KIAA0825: variants seen among roughly 807,000 people sequenced by gnomAD.
KIAA0825 encodes the protein KIAA0825.
Under a neutral mutation model 147.6 loss-of-function variants are expected in KIAA0825, and 119 were observed. The observed-to-expected ratio is 0.81, with a 90% CI of 0.69 to 0.94. The LOEUF is 0.94. Ranked by LOEUF, KIAA0825 falls within the 40% of genes least tolerant of loss-of-function variation. KIAA0825 has a pLI of 0.00. For synonymous variants in KIAA0825, 470 were observed against 518.1 expected (o/e 0.91, Z 1.26); for missense variants, 1,381 against 1,472.7 (o/e 0.94, Z 1.02).
chr5:94,179,933 C>G (rs1336318007), intron 20 of KIAA0825, among the ~76,000 whole-genome samples: 1 of 151,710 alleles, frequency 6.6e-6, no homozygotes, highest in Non-Finnish European at 1.5e-5. Context: ...TTAATAAATA[C>G]AAGGAATAAA....
chr5:94,332,160 C>CAAAA (rs34035583), intron 20 of KIAA0825, among the ~76,000 whole-genome samples: 8 of 93,902 alleles, frequency 8.5e-5, no homozygotes, highest in Non-Finnish European at 1.1e-4. Context: ...GACTCCATCT[C>CAAAA]AAAAAAAAAA....
intron 20 of KIAA0825, among the ~76,000 whole-genome samples, chr5:94,199,932 C>G (rs10476527): frequency 0.025 from 3,802 of 152,256 alleles, 71 homozygotes; most frequent in Non-Finnish European, 0.037. Flanking sequence ...TGTGGCCAGA[C>G]AGGGACCCTG....
chr5:94,245,741 G>A (rs562446636), intron 20 of KIAA0825, among the ~76,000 whole-genome samples: 20 of 152,216 alleles, frequency 1.3e-4, no homozygotes, highest in Non-Finnish European at 1.9e-4. Context: ...TATGACTAAA[G>A]TGACATATGA....
intron 20 of KIAA0825, among the ~76,000 whole-genome samples, chr5:94,234,596 C>A (rs560442256): frequency 2.6e-5 from 4 of 152,180 alleles, no homozygotes; most frequent in Non-Finnish European, 4.4e-5. Flanking sequence ...TCTGGTGAAG[C>A]CTCATGGAGC....
intron 20 of KIAA0825, among the ~76,000 whole-genome samples, chr5:94,341,347 G>A (rs1447167624): frequency 6.6e-6 from 1 of 152,208 alleles, no homozygotes; most frequent in African/African-American, 2.4e-5. Context: ...ACTTTCTGCT[G>A]TCATGTGGGA....
At chr5:94,534,468 C>A (rs1335654872) in intron 3 of KIAA0825, among the ~76,000 whole-genome samples, 1 of 152,102 alleles carries the variant, frequency 6.6e-6, no homozygotes, top group South Asian at 2.1e-4. Context: ...GCACATAGAG[C>A]TACTTCCTTA....
At chr5:94,310,101 T>A (rs920885542) in intron 20 of KIAA0825, among the ~76,000 whole-genome samples, 5 of 151,690 alleles carry the variant, frequency 3.3e-5, no homozygotes, top group African/African-American at 4.8e-5. Context: ...GAGAAAAAAA[T>A]TGGCCACATA....
chr5:94,590,786 T>C (rs1250780813), intron 1 of KIAA0825, among the ~76,000 whole-genome samples: 2 of 152,212 alleles, frequency 1.3e-5, no homozygotes, highest in Admixed American at 1.3e-4. Context: ...AAGGCAAATG[T>C]GTGTGATGCT....
At chr5:94,344,279 T>C (rs902174729) in intron 20 of KIAA0825, among the ~76,000 whole-genome samples, 4 of 152,128 alleles carry the variant, frequency 2.6e-5, no homozygotes. Flanking sequence ...AATATACAGC[T>C]TCATCTATAT....
chr5:94,361,879 T>C (rs541162545), intron 20 of KIAA0825, among the ~76,000 whole-genome samples: 54 of 152,278 alleles, frequency 3.5e-4, no homozygotes, highest in African/African-American at 1.3e-3. Flanking sequence ...TCTCAGGCAG[T>C]CCTACTGCTT....
chr5:94,487,156 C>G (rs1763153606), intron 5 of KIAA0825, among the ~76,000 whole-genome samples: 1 of 152,124 alleles, frequency 6.6e-6, no homozygotes, highest in Non-Finnish European at 1.5e-5. Flanking sequence ...TTAGAAGAAT[C>G]TTGTATTCCA....
chr5:94,286,297 G>A (rs749394510), intron 20 of KIAA0825, among the ~76,000 whole-genome samples: 2 of 152,112 alleles, frequency 1.3e-5, no homozygotes, highest in Non-Finnish European at 2.9e-5. Flanking sequence ...ATTTAGATTA[G>A]ATAAGACCTC....
intron 4 of KIAA0825, 44 bp downstream of exon 4, chr5:94,523,886 T>C: frequency 7.8e-7 from 1 of 1,289,448 alleles, no homozygotes; most frequent in Non-Finnish European, 1.1e-6. Context: ...TTGTATTCCC[T>C]GTTTACTCAT....
chr5:94,309,331 A>G (rs1778958539), intron 20 of KIAA0825, among the ~76,000 whole-genome samples: 1 of 151,740 alleles, frequency 6.6e-6, no homozygotes, highest in African/African-American at 2.4e-5. Flanking sequence ...GTGCTGTGAG[A>G]GTTCAGAGGA....
rs190970096 is a variant in KIAA0825, at chr5:94,512,138, A to G, written c.970+8110T>C. On this transcript the variant is annotated intron_variant, in intron 5 of 20. Transcript: ENST00000682413. ...TCTTCAAAGATGATTTTCACAAGAA[A>G]GAATGTTGTGGTATAGGAACAGACA... Among the ~76,000 whole-genome samples the G allele has an allele frequency of 1.2e-3, 179 of 152,312 alleles. 2 individuals are homozygous for G. The highest frequency in any genetic ancestry group is 3.4e-3 in the Middle Eastern group (1 of 294).
intron 14 of KIAA0825, among the ~76,000 whole-genome samples, chr5:94,419,508 AC>A (rs1403787374): frequency 6.6e-6 from 1 of 152,116 alleles, no homozygotes; most frequent in Non-Finnish European, 1.5e-5. Flanking sequence ...CATCTGTTCT[AC>A]CCAGTAGAGT....
intron 20 of KIAA0825, among the ~76,000 whole-genome samples, chr5:94,187,724 C>A (rs934505333): frequency 1.3e-5 from 2 of 152,062 alleles, no homozygotes; most frequent in African/African-American, 4.8e-5. Flanking sequence ...CGCGCCAGAC[C>A]GGGAGTTATT....
chr5:94,222,752 T>C (rs887322563), intron 20 of KIAA0825, among the ~76,000 whole-genome samples: 1 of 152,188 alleles, frequency 6.6e-6, no homozygotes, highest in African/African-American at 2.4e-5. Flanking sequence ...AAATAAGTTA[T>C]GCTTTATTCG....
chr5:94,384,894 A>G (rs1336350716), intron 19 of KIAA0825, among the ~76,000 whole-genome samples: 1 of 152,200 alleles, frequency 6.6e-6, no homozygotes. Flanking sequence ...AAATTATAAG[A>G]TACAGCTTAA....
Sources: gnomAD v4.1 joint callset for allele counts (sites outside exome capture counted in the v4.1 genomes callset) on GRCh38, gnomAD v4.1.1 for gene constraint, MANE v1.5 for transcripts, NCBI Gene and HGNC (gene_info 2026-07-23, HGNC 2026-07-21) for gene names.